CHCHD6: variants seen among roughly 807,000 people sequenced by gnomAD.
CHCHD6 encodes the protein coiled-coil-helix-coiled-coil-helix domain containing 6, also known as MICOS complex subunit MIC25.
Under a neutral mutation model 32.3 loss-of-function variants are expected in CHCHD6, and 28 were observed. The observed-to-expected ratio is 0.87, with a 90% CI of 0.64 to 1.19. The LOEUF (loss-of-function observed/expected upper bound fraction) is 1.19, where lower values mean the gene tolerates loss of function less well. CHCHD6 is among the 50% of genes most tolerant of loss of function. CHCHD6 has a pLI of 0.00. For synonymous variants in CHCHD6, 122 were observed against 117.5 expected, an observed-to-expected ratio of 1.04 and a Z score of -0.25; for missense variants, 333 against 307.0, an observed-to-expected ratio of 1.08 and a Z score of -0.63.
chr3:126,815,656 C>CA (rs1553741621), intron 4 of CHCHD6, among the ~76,000 whole-genome samples: 62 of 117,314 alleles, frequency 5.3e-4, no homozygotes, highest in Admixed American at 6.8e-4. Context: ...CCCCCCCCCC[C>CA]ATCTGTGTCC....
At chr3:126,928,326 C>A (rs1463801800) in intron 6 of CHCHD6, among the ~76,000 whole-genome samples, 1 of 152,242 alleles carries the variant, frequency 6.6e-6, no homozygotes, top group Non-Finnish European at 1.5e-5. Flanking sequence ...TGATTGTTTT[C>A]AGGATCTGAT....
intron 5 of CHCHD6, among the ~76,000 whole-genome samples, chr3:126,910,400 C>T (rs1434221618): frequency 1.3e-5 from 2 of 152,214 alleles, no homozygotes; most frequent in East Asian, 1.9e-4. Flanking sequence ...GCATCCTCCA[C>T]GTCCCCTCCT....
At chr3:126,869,765 G>A (rs1457718346) in intron 5 of CHCHD6, among the ~76,000 whole-genome samples, 1 of 152,144 alleles carries the variant, frequency 6.6e-6, no homozygotes, top group African/African-American at 2.4e-5. Context: ...TTTAAAATCT[G>A]TGTAACTTAT....
chr3:126,730,682 C>T, intron 3 of CHCHD6, 52 bp downstream of exon 3: 1 of 1,469,062 alleles, frequency 6.8e-7, no homozygotes, highest in South Asian at 1.1e-5. Context: ...CTAAAAGCCT[C>T]TTTCCTCACT....
intron 5 of CHCHD6, among the ~76,000 whole-genome samples, chr3:126,880,148 A>G (rs2077590041): frequency 6.6e-6 from 1 of 152,144 alleles, no homozygotes; most frequent in Non-Finnish European, 1.5e-5. Context: ...TACACCTGGG[A>G]TAAGAGGAGG....
At chr3:126,776,330 A>G (rs559778806) in intron 4 of CHCHD6, among the ~76,000 whole-genome samples, 17 of 152,180 alleles carry the variant, frequency 1.1e-4, no homozygotes, top group Non-Finnish European at 4.4e-5. Flanking sequence ...TATGTACTTC[A>G]CAGGGGAGAC....
At chr3:126,770,516 A>G (rs1394798611) in intron 4 of CHCHD6, among the ~76,000 whole-genome samples, 4 of 152,148 alleles carry the variant, frequency 2.6e-5, no homozygotes, top group African/African-American at 9.7e-5. Context: ...TGCCTAACTT[A>G]TTGAGGGTTT....
In CHCHD6 at chr3:126,808,123, C is replaced by G. The variant is rs558023230; in HGVS notation, c.412-44524C>G. 2.6e-5 allele frequency among the ~76,000 whole-genome samples: 4 copies of G among 152,278 alleles called. No homozygotes were observed. In the East Asian group the frequency reaches 7.7e-4, roughly 29 times the overall value. On this transcript the variant is annotated intron_variant, in intron 4 of 7. Coordinates refer to ENST00000290913, the MANE Select transcript of CHCHD6 (RefSeq NM_032343.3). ...TGTTAGGGCTACGATCATCCGAAGGCTTGTTGGGGGTTGGATCCATTTCTG... is the reference window on the plus strand; with the variant it reads ...TGTTAGGGCTACGATCATCCGAAGGGTTGTTGGGGGTTGGATCCATTTCTG...
chr3:126,849,481 GTTGACTGGAGGAGGTCC>G (rs1941398479), intron 4 of CHCHD6, among the ~76,000 whole-genome samples: 1 of 152,364 alleles, frequency 6.6e-6, no homozygotes, highest in East Asian at 1.9e-4. Flanking sequence ...ACTGTGTTGT[GTTGACTGGAGGAGGTCC>G]TTGACCAAAT....
chr3:126,923,451 G>A (rs2078281390), intron 6 of CHCHD6, among the ~76,000 whole-genome samples: 1 of 152,200 alleles, frequency 6.6e-6, no homozygotes, highest in Non-Finnish European at 1.5e-5. Context: ...CACCAAGTCA[G>A]TGTCAGATGG....
intron 6 of CHCHD6, among the ~76,000 whole-genome samples, chr3:126,921,028 T>C (rs1032741077): frequency 2.6e-5 from 4 of 152,130 alleles, no homozygotes; most frequent in Admixed American, 2.6e-4. Context: ...TAGCTGGAAC[T>C]AGAGGTCCTA....
chr3:126,784,082 C>T (rs1938081252), intron 4 of CHCHD6, among the ~76,000 whole-genome samples: 1 of 152,060 alleles, frequency 6.6e-6, no homozygotes, highest in South Asian at 2.1e-4. Context: ...TTGACAGCTG[C>T]CTGCAGGTAG....
chr3:126,958,843 A>G (rs2078823017), intron 7 of CHCHD6, among the ~76,000 whole-genome samples: 1 of 152,190 alleles, frequency 6.6e-6, no homozygotes, highest in Non-Finnish European at 1.5e-5. Flanking sequence ...GGGCCAGACC[A>G]GGGCCCTTCG....
At chr3:126,733,305 G>A in intron 4 of CHCHD6, 83 bp downstream of exon 4, 1 of 1,354,620 alleles carries the variant, frequency 7.4e-7, no homozygotes, top group East Asian at 2.5e-5. Flanking sequence ...CACCTGGTTA[G>A]TCTGAAGCCC....
chr3:126,864,124 A>C (rs1576519822), intron 5 of CHCHD6, among the ~76,000 whole-genome samples: 1 of 117,424 alleles, frequency 8.5e-6, no homozygotes, highest in Non-Finnish European at 1.8e-5. Flanking sequence ...CACCATCACC[A>C]CCTCCTCCAC....
In CHCHD6 at chr3:126,939,639, T is replaced by C. The variant is rs551477785; in HGVS notation, c.567-17777T>C. 3.3e-5 allele frequency among the ~76,000 whole-genome samples: 5 copies of C among 152,360 alleles called. No homozygotes were observed. The South Asian group carries it at 1.0e-3, about 32-fold the overall frequency. ...GTGACAGTGTGGAAAACAGGAATTT[T>C]ATCTCTCACATACCTCGGCAGACAT... is the stretch of plus-strand genomic sequence containing the variant. On this transcript the variant is annotated intron_variant, in intron 6 of 7. Transcript: ENST00000290913.
chr3:126,879,524 A>C (rs1427507060), intron 5 of CHCHD6, among the ~76,000 whole-genome samples: 1 of 152,236 alleles, frequency 6.6e-6, no homozygotes, highest in African/African-American at 2.4e-5. Flanking sequence ...TCTCCAAAAC[A>C]AATGTGCCAG....
rs145633274 is a variant in CHCHD6, at chr3:126,936,913, C to G, written c.567-20503C>G. 3.5e-4 allele frequency among the ~76,000 whole-genome samples: 54 copies of G among 152,306 alleles called. No homozygotes were observed. The East Asian group carries it at 8.9e-3, about 25-fold the overall frequency. On this transcript the variant is annotated intron_variant, in intron 6 of 7. Transcript: ENST00000290913. ...GATAATTCCATATGTGGCTTGCAGT[C>G]TTTTTCTGTTGGACAGAACTATTGG... is the stretch of plus-strand genomic sequence containing the variant.
intron 1 of CHCHD6, among the ~76,000 whole-genome samples, chr3:126,710,032 A>G (rs1288950642): frequency 6.6e-6 from 1 of 152,222 alleles, no homozygotes; most frequent in African/African-American, 2.4e-5. Context: ...GAAAGCAGCC[A>G]TAGACAATAT....
Sources: allele counts gnomAD v4.1 joint callset (sites outside exome capture counted in the v4.1 genomes callset), GRCh38; gene constraint gnomAD v4.1.1; transcripts MANE v1.5; gene names NCBI Gene and HGNC (gene_info 2026-07-23, HGNC 2026-07-21).